Variants in CTNND2 observed in about 807,000 individuals in gnomAD.
CTNND2 encodes the protein catenin delta-2.
CTNND2 carries 22 observed loss-of-function variants against 144.4 expected under a neutral mutation model. The ratio of observed to expected loss-of-function variants is 0.15; its 90% CI spans 0.11 to 0.22. The LOEUF is 0.22. Among genes scored for constraint, CTNND2 ranks in the 10% least tolerant of loss-of-function variants. The pLI is 1.00. For synonymous variants in CTNND2, 751 were observed against 695.6 expected (o/e 1.08, Z -1.25); for missense variants, 1,353 against 1,618.8 (o/e 0.84, Z 2.82).
chr5:11,585,135 G>A (rs1263602036), intron 2 of CTNND2, among the ~76,000 whole-genome samples: 3 of 152,060 alleles, frequency 2.0e-5, no homozygotes, highest in East Asian at 1.9e-4. Context: ...GTGGTAACAG[G>A]AGACCACCCT....
At chr5:11,688,991 A>G (rs1206090135) in intron 2 of CTNND2, among the ~76,000 whole-genome samples, 2 of 152,240 alleles carry the variant, frequency 1.3e-5, no homozygotes, top group Non-Finnish European at 2.9e-5. Flanking sequence ...AGAGACACCA[A>G]GATGACTGGG....
rs529147704 is a variant in CTNND2, at chr5:11,899,218, G to A, written c.37+4599C>T. On this transcript the variant is annotated intron_variant, in intron 1 of 21. Coordinates refer to ENST00000304623, the MANE Select transcript of CTNND2 (RefSeq NM_001332.4). ...CATGATGATGAGATTCATGCTCGGT[G>A]GTTCTAAACAGAGCGGATGTGTAAT... 3.1e-3 allele frequency among the ~76,000 whole-genome samples: 465 copies of A among 152,206 alleles called. 1 individual carries two copies. The highest frequency in any genetic ancestry group is 0.01 in the African/African-American group (435 of 41,532).
At chr5:11,250,475 CTCTCTCTCTCTCTCTCTATA>C (rs1464483016) in intron 9 of CTNND2, among the ~76,000 whole-genome samples, 11 of 62,364 alleles carry the variant, frequency 1.8e-4, no homozygotes, top group African/African-American at 1.1e-3. Context: ...CTCTCTCTCT[CTCTCTCTCTCTCTCTCTATA>C]TATATATATA....
chr5:11,723,318 A>T (rs539042684), intron 2 of CTNND2, among the ~76,000 whole-genome samples: 1 of 152,292 alleles, frequency 6.6e-6, no homozygotes, highest in Non-Finnish European at 1.5e-5. Context: ...GCCTCATATT[A>T]AACTGAAAAT....
intron 3 of CTNND2, among the ~76,000 whole-genome samples, chr5:11,560,437 A>G (rs976830399): frequency 1.3e-5 from 2 of 152,148 alleles, no homozygotes; most frequent in African/African-American, 2.4e-5. Flanking sequence ...CCATTTCTCT[A>G]CCATTATGTT....
intron 7 of CTNND2, among the ~76,000 whole-genome samples, chr5:11,368,910 A>G (rs1234657391): frequency 6.6e-6 from 1 of 152,240 alleles, no homozygotes; most frequent in Non-Finnish European, 1.5e-5. Context: ...GTGCTCTGCA[A>G]TTGATAAAGC....
intron 1 of CTNND2, among the ~76,000 whole-genome samples, chr5:11,739,146 C>T (rs985355025): frequency 6.6e-6 from 1 of 152,186 alleles, no homozygotes; most frequent in Non-Finnish European, 1.5e-5. Context: ...AGTGGAAGAT[C>T]TCCATCACTG....
chr5:11,583,081 A>G (rs897763636), intron 2 of CTNND2, among the ~76,000 whole-genome samples: 1 of 152,232 alleles, frequency 6.6e-6, no homozygotes, highest in Admixed American at 6.5e-5. Context: ...TGCAAACAGT[A>G]AGCTCTTACA....
chr5:11,142,331 C>T (rs1301137019), intron 12 of CTNND2, among the ~76,000 whole-genome samples: 2 of 152,168 alleles, frequency 1.3e-5, no homozygotes, highest in Non-Finnish European at 2.9e-5. Flanking sequence ...TTCTTTAGCC[C>T]TATTCCACAG....
At position 11,135,540 on chromosome 5, in the gene CTNND2, T is replaced by G. The variant is rs570471348; in HGVS notation, c.2160-17973A>C. Among the ~76,000 whole-genome samples the G allele has an allele frequency of 4.6e-5, 7 of 152,326 alleles. No individual in the cohort carries two copies. The East Asian group carries it at 1.3e-3, about 29-fold the overall frequency. On this transcript the variant is annotated intron_variant, in intron 12 of 21. Transcript: ENST00000304623. ...TCGGTAGATTCAGTGATTGAATGAC[T>G]TCATTTAATCCAATAATTTGCTAAA...
At chr5:11,512,927 T>C (rs1771788045) in intron 3 of CTNND2, among the ~76,000 whole-genome samples, 1 of 152,216 alleles carries the variant, frequency 6.6e-6, no homozygotes, top group Non-Finnish European at 1.5e-5. Flanking sequence ...AGTTAGTTTT[T>C]CATACAAATC....
chr5:11,686,958 G>C (rs1460628027), intron 2 of CTNND2, among the ~76,000 whole-genome samples: 1 of 151,316 alleles, frequency 6.6e-6, no homozygotes, highest in Non-Finnish European at 1.5e-5. Context: ...TAAGAAAATG[G>C]TATTTTTCAT....
chr5:11,250,435 T>C (rs139816206), intron 9 of CTNND2, among the ~76,000 whole-genome samples: 1,667 of 144,996 alleles, frequency 0.011, 11 homozygotes, highest in Middle Eastern at 0.018. Context: ...TAATTGAAAG[T>C]TTGCGGTGAA....
chr5:11,123,709 C>T (rs187451121), intron 12 of CTNND2, among the ~76,000 whole-genome samples: 1 of 152,342 alleles, frequency 6.6e-6, no homozygotes, highest in East Asian at 1.9e-4. Flanking sequence ...TCGATTAGCC[C>T]CATTCTCAGT....
intron 14 of CTNND2, among the ~76,000 whole-genome samples, chr5:11,110,194 T>A (rs776417883): frequency 2.0e-5 from 3 of 152,172 alleles, no homozygotes; most frequent in Non-Finnish European, 4.4e-5. Context: ...GGTTGTGAGT[T>A]GCTGCCTAGC....
intron 2 of CTNND2, among the ~76,000 whole-genome samples, chr5:11,634,780 G>C (rs1050298033): frequency 6.6e-6 from 1 of 152,164 alleles, no homozygotes; most frequent in Admixed American, 6.6e-5. Context: ...TTAGAAAAGA[G>C]GGAGCACAGA....
At chr5:11,142,555 T>C (rs1378871872) in intron 12 of CTNND2, among the ~76,000 whole-genome samples, 1 of 152,002 alleles carries the variant, frequency 6.6e-6, no homozygotes, top group Non-Finnish European at 1.5e-5. Flanking sequence ...AGTATTTTGT[T>C]TTCCATAAGA....
intron 1 of CTNND2, among the ~76,000 whole-genome samples, chr5:11,807,025 ATATT>A (rs1200858817): frequency 6.6e-6 from 1 of 152,082 alleles, no homozygotes; most frequent in East Asian, 1.9e-4. Flanking sequence ...ATAAAAATAA[ATATT>A]TAACATTCTG....
chr5:10,980,283 A>G (rs1384730990), intron 21 of CTNND2, among the ~76,000 whole-genome samples: 1 of 152,236 alleles, frequency 6.6e-6, no homozygotes, highest in Non-Finnish European at 1.5e-5. Context: ...TGCAGCCAAC[A>G]GACATATGAA....
Sources: allele counts gnomAD v4.1 joint callset (sites outside exome capture counted in the v4.1 genomes callset), GRCh38; gene constraint gnomAD v4.1.1; transcripts MANE v1.5; gene names NCBI Gene and HGNC (gene_info 2026-07-23, HGNC 2026-07-21).